The following NUCB2 variants were observed in gnomAD, a reference collection of about 807,000 sequenced individuals.
The protein encoded by NUCB2 is nucleobindin-2.
In NUCB2, 48 loss-of-function variants were observed where a neutral mutation model predicts 57.9. That is an observed-to-expected ratio of 0.83 (90% CI 0.66 to 1.05). NUCB2 has a LOEUF of 1.05. Ranked by LOEUF, NUCB2 falls within the 50% of genes least tolerant of loss-of-function variation. NUCB2 has a pLI of 0.00. For missense variants in NUCB2, 442 were observed against 476.2 expected (o/e 0.93, Z 0.67); for synonymous variants, 139 against 152.1 (o/e 0.91, Z 0.64).
rs769838649 is a variant in NUCB2 at position 17,315,374 on chromosome 11, T to C, written c.913-12T>C. The C allele has an allele frequency of 6.1e-6, 9 of 1,481,448 alleles. No homozygotes were observed. In the Admixed American group the frequency reaches 1.4e-4, roughly 23 times the overall value. The allele number at this position is 1,481,448 out of a possible 1,614,324, so 91.8% of individuals were successfully genotyped here. ...TTTACTTTATATTATGTATACATTT[T>C]GTTTTAATCAGGTTGATACTAACAA... On this transcript the variant is annotated splice_polypyrimidine_tract_variant and intron_variant, in intron 10 of 13. Coordinates refer to ENST00000529010, the MANE Select transcript of NUCB2 (RefSeq NM_005013.4).
intron 2 of NUCB2, among the ~76,000 whole-genome samples, chr11:17,343,797 C>A (rs1952489454): frequency 6.6e-6 from 1 of 152,174 alleles, no homozygotes; most frequent in Non-Finnish European, 1.5e-5. Flanking sequence ...GTGATTCTTT[C>A]TTGTTCTATG....
At position 17,331,554 on chromosome 11, in the gene NUCB2, T is replaced by A; in HGVS notation, c.*135T>A. On this transcript the variant is annotated 3_prime_UTR_variant, in exon 14 of 14. Coordinates refer to ENST00000529010, the MANE Select transcript of NUCB2 (RefSeq NM_005013.4). ...GAAATAAAGGGAGATACTTTTTAAA[T>A]GAAAACACTTTTTTTGGGACACAGA... 1.9e-6 allele frequency: 1 copy of A among 522,936 alleles called. No homozygotes were observed. The highest frequency in any genetic ancestry group is 4.3e-4 in the Middle Eastern group (1 of 2,330). The allele number at this position is 522,936 out of a possible 1,614,324, so 32.4% of individuals were successfully genotyped here.
chr11:17,286,555 A>G (rs1943782215), intron 2 of NUCB2: 2 of 152,182 alleles, frequency 1.3e-5, no homozygotes, highest in Non-Finnish European at 2.9e-5. Context: ...ATCCTACTTT[A>G]GAGAGTAAAT....
At position 17,344,408 on chromosome 11, in the gene NUCB2, A is replaced by T. The variant is rs188532825; in HGVS notation, n.2627-4937A>T. On this transcript the variant is annotated intron_variant and non_coding_transcript_variant, in intron 2 of 2. Coordinates refer to the NUCB2 transcript ENST00000532240. ...TTACTTCTTCACTACTTTTGCCTGG[A>T]TGACCTGAATTTTAATCAAGAAGTT... Among the ~76,000 whole-genome samples the T allele has an allele frequency of 1.3e-3, 200 of 152,300 alleles. 1 individual carries two copies. The highest frequency in any genetic ancestry group is 6.2e-4 in the Non-Finnish European group (42 of 68,028).
chr11:17,297,650 A>T (rs1946042800), intron 4 of NUCB2, among the ~76,000 whole-genome samples: 1 of 152,214 alleles, frequency 6.6e-6, no homozygotes, highest in African/African-American at 2.4e-5. Flanking sequence ...CTACATAGAG[A>T]TATTCAGGCA....
At chr11:17,296,275 G>A in intron 4 of NUCB2, 64 bp downstream of exon 4, 1 of 971,492 alleles carries the variant, frequency 1.0e-6, no homozygotes, top group Non-Finnish European at 1.5e-6. Context: ...TAGAGATGAG[G>A]TCTCACCATA....
At chr11:17,336,940 T>C (rs907390566), downstream of NUCB2, among the ~76,000 whole-genome samples, 1 of 151,758 alleles carries the variant, frequency 6.6e-6, no homozygotes, top group Non-Finnish European at 1.5e-5. Context: ...TTTGATAACA[T>C]GATTTTTTTT....
Position 17,330,332 on chromosome 11 carries a change from G to A in NUCB2, c.1173+35G>A. 7.4e-7 allele frequency: 1 copy of A among 1,348,442 alleles called. No homozygotes were observed. 83.5% of individuals were successfully genotyped at this position (1,348,442 alleles called of 1,614,324 possible). A position where few individuals can be genotyped will look rare whatever the true frequency, so the allele number is the denominator to read the frequency against. ...TGTCAAAAGATTATGGCATTAAAAA[G>A]ATTTTAGGTGCTTTGTTAAAAGCCT... On this transcript the variant is annotated intron_variant, in intron 12 of 13. Transcript: ENST00000529010. This position sits in a 1 kb window ranked among gnomAD's most constrained non-coding sequence, Gnocchi z 4.3.
rs1226467654 is a variant in NUCB2 at position 17,318,725 on chromosome 11, AATG to A, written c.1002+3256_1002+3258del. On this transcript the variant is annotated intron_variant, in intron 11 of 13. Transcript: ENST00000529010. ...TCTGGGACAATTTGAACGTGGAAAT[AATG>A]ATGATAAGGATTAGAGCTTATTGAA... Among the ~76,000 whole-genome samples the A allele has an allele frequency of 4.6e-5, 7 of 152,334 alleles. No individual in the cohort carries two copies. In the East Asian group the frequency reaches 1.4e-3, roughly 29 times the overall value.
Position 17,294,247 on chromosome 11 carries a change from AGGAACCCCCT to A in NUCB2, c.1-1065_1-1056del, listed in dbSNP as rs571568385. Among the ~76,000 whole-genome samples the A allele has an allele frequency of 6.9e-3, 1,057 of 152,188 alleles. 8 individuals are homozygous for A. The highest frequency in any genetic ancestry group is 8.9e-3 in the Non-Finnish European group (602 of 67,994). Reference sequence around the variant, plus strand: ...GTGGATCTCAGGTTTTAGTATACATAGGAACCCCCTGGAACCCCCTGTTTGTTAAAACAGG... The same window carrying A: ...GTGGATCTCAGGTTTTAGTATACATAGGAACCCCCTGTTTGTTAAAACAGG... On this transcript the variant is annotated intron_variant, in intron 2 of 13. Transcript: ENST00000529010.
At chr11:17,332,745 C>T (rs572107791), downstream of NUCB2, 1 of 152,150 alleles carries the variant, frequency 6.6e-6, no homozygotes, top group Non-Finnish European at 1.5e-5. Context: ...CAGGGTCTTA[C>T]TCTGTTGTCC....
chr11:17,309,782 A>C (rs1948211786), intron 6 of NUCB2, 107 bp downstream of exon 6: 1 of 650,156 alleles, frequency 1.5e-6, no homozygotes, highest in African/African-American at 1.9e-5. Context: ...ATTCTGTAGA[A>C]GTTCTTTAAA....
chr11:17,320,071 G>A (rs12276749), intron 11 of NUCB2, among the ~76,000 whole-genome samples: 244 of 141,496 alleles, frequency 1.7e-3, no homozygotes, highest in African/African-American at 5.1e-3. Context: ...ACATGATCTC[G>A]TTCTTTTTTT....
chr11:17,305,480 T>C (rs934065462), intron 5 of NUCB2, among the ~76,000 whole-genome samples: 3 of 152,318 alleles, frequency 2.0e-5, no homozygotes, highest in Admixed American at 6.5e-5. Flanking sequence ...TCATTAAAAC[T>C]GTATGGCTTA....
rs888578100 is a variant in NUCB2 at position 17,312,112 on chromosome 11, A to C, written c.904A>C (p.Met302Leu). Residue 302 changes from methionine to leucine, a missense_variant, in exon 10 of 14, where the codon ATG becomes CTG. Met to Leu is a conservative substitution (Grantham distance 15). Coordinates refer to ENST00000529010, the MANE Select transcript of NUCB2 (RefSeq NM_005013.4). ...EERLRMREHV[M>L]NEVDTNKDRL... ...AAGGCTTAGAATGAGGGAACATGTA[A>C]TGAATGAGGTATGTTTTAAAAGTTT... 4.2e-6 allele frequency: 6 copies of C among 1,433,992 alleles called. No individual in the cohort carries two copies. The highest frequency in any genetic ancestry group is 5.8e-6 in the Non-Finnish European group (6 of 1,033,354). 88.8% of individuals were successfully genotyped at this position (1,433,992 alleles called of 1,614,324 possible). A position where few individuals can be genotyped will look rare whatever the true frequency, so the allele number is the denominator to read the frequency against.
At chr11:17,343,623 G>T (rs1020091733) in intron 2 of NUCB2, among the ~76,000 whole-genome samples, 5 of 152,122 alleles carry the variant, frequency 3.3e-5, no homozygotes, top group African/African-American at 1.2e-4. Flanking sequence ...TTCTTGGTGT[G>T]ACAACTTTCT....
chr11:17,324,716 G>T (rs1356455708), intron 11 of NUCB2, among the ~76,000 whole-genome samples: 1 of 152,186 alleles, frequency 6.6e-6, no homozygotes, highest in Non-Finnish European at 1.5e-5. Flanking sequence ...TTACTGGCAT[G>T]AGCCACCATG....
Position 17,320,579 on chromosome 11 carries a change from C to T in NUCB2, c.1002+5104C>T, listed in dbSNP as rs542414965. Among the ~76,000 whole-genome samples the T allele has an allele frequency of 7.2e-5, 11 of 152,176 alleles. No homozygotes were observed. In the South Asian group the frequency reaches 2.3e-3, roughly 32 times the overall value. On this transcript the variant is annotated intron_variant, in intron 11 of 13. Transcript: ENST00000529010. ...GGCTGAGGCAGGAGAATCACTTGAA[C>T]CTGGGAGATGGAGGTTGCAGTGAGT...
chr11:17,320,229 TTCTA>T (rs1411107395), intron 11 of NUCB2, among the ~76,000 whole-genome samples: 12 of 152,232 alleles, frequency 7.9e-5, no homozygotes, highest in African/African-American at 2.9e-4. Flanking sequence ...CAACTTAGCA[TTCTA>T]TCTTTTGCCA....
Sources: allele counts gnomAD v4.1 joint callset (sites outside exome capture counted in the v4.1 genomes callset), GRCh38; gene constraint gnomAD v4.1.1; non-coding constraint Gnocchi (gnomAD v3.1); transcripts MANE v1.5; gene names NCBI Gene and HGNC (gene_info 2026-07-23, HGNC 2026-07-21).